LRRC37A2: variants seen among roughly 807,000 people sequenced by gnomAD.
LRRC37A2 encodes leucine-rich repeat-containing protein 37A2.
In LRRC37A2, 9 loss-of-function variants were observed where a neutral mutation model predicts 68.8. The ratio of observed to expected loss-of-function variants is 0.13; its 90% CI spans 0.08 to 0.23. The LOEUF (loss-of-function observed/expected upper bound fraction) is 0.23. Ranked by LOEUF, LRRC37A2 falls within the 10% of genes least tolerant of loss-of-function variation. The probability of loss-of-function intolerance (pLI) is 1.00; values close to 1 mark genes in which losing one functional copy is unlikely to be tolerated. For synonymous variants in LRRC37A2, 63 were observed against 367.6 expected, an observed-to-expected ratio of 0.17 and a Z score of 9.48; for missense variants, 168 against 950.4, an observed-to-expected ratio of 0.18 and a Z score of 10.82.
At chr17:46,808,741 T>C in the LRRC37A2 span, among the ~76,000 whole-genome samples, 2 of 152,088 alleles carry the variant, frequency 1.3e-5, no homozygotes, top group African/African-American at 4.8e-5. Context: ...TCGTGTGAAC[T>C]GGTGAACATG....
exon 10 of LRRC37A2, chr17:46,549,376 A>G (rs1394122413): frequency 1.9e-6 from 3 of 1,549,142 alleles, no homozygotes; most frequent in Non-Finnish European, 2.6e-6. Flanking sequence ...AGAAGGAACC[A>G]TCTCTGAAAA....
At chr17:46,956,398 C>T in the LRRC37A2 span, among the ~76,000 whole-genome samples, 1 of 150,140 alleles carries the variant, frequency 6.7e-6, no homozygotes, top group African/African-American at 2.5e-5. Context: ...TCAAGCGATT[C>T]TCCTGCCTCA....
chr17:46,867,461 CGGAG>C, the LRRC37A2 span, among the ~76,000 whole-genome samples: 1 of 152,230 alleles, frequency 6.6e-6, no homozygotes, highest in African/African-American at 2.4e-5. Flanking sequence ...GAGGTCACCT[CGGAG>C]TGAGTCAGAC....
chr17:46,735,314 C>T, the LRRC37A2 span, among the ~76,000 whole-genome samples: 1 of 152,038 alleles, frequency 6.6e-6, no homozygotes, highest in Non-Finnish European at 1.5e-5. Flanking sequence ...AGAATGTATT[C>T]TTCCAGATCC....
At chr17:46,544,467 T>C (rs146398000) in intron 8 of LRRC37A2, among the ~76,000 whole-genome samples, 836 of 2,164 alleles carry the variant, frequency 0.39, 2 homozygotes, top group Middle Eastern at 0.46. Context: ...ATAATTATAG[T>C]TAACTCTTAT....
At chr17:46,935,877 G>A in the LRRC37A2 span, 2 of 985,982 alleles carry the variant, frequency 2.0e-6, no homozygotes, top group Non-Finnish European at 2.4e-6. Flanking sequence ...TGGATAATAG[G>A]GCGTGGGTTC....
At chr17:47,011,251 A>G in the LRRC37A2 span, among the ~76,000 whole-genome samples, 2 of 152,174 alleles carry the variant, frequency 1.3e-5, no homozygotes, top group Non-Finnish European at 2.9e-5. Flanking sequence ...AGATTTATCA[A>G]AAGTATATTT....
chr17:46,929,391 A>C, the LRRC37A2 span: 1 of 705,484 alleles, frequency 1.4e-6, no homozygotes, highest in South Asian at 1.5e-5. Context: ...TGCCACATAC[A>C]AATTTTACAG....
chr17:46,849,849 CT>C, the LRRC37A2 span, among the ~76,000 whole-genome samples: 22 of 145,680 alleles, frequency 1.5e-4, no homozygotes, highest in South Asian at 2.2e-4. Flanking sequence ...CATTTAATAT[CT>C]TTTTTTTTTT....
At chr17:46,956,806 C>T in the LRRC37A2 span, among the ~76,000 whole-genome samples, 1 of 152,200 alleles carries the variant, frequency 6.6e-6, no homozygotes, top group African/African-American at 2.4e-5. Context: ...CAGCATGCTG[C>T]CCTGCCTTTG....
At chr17:47,048,330 A>C in the LRRC37A2 span, among the ~76,000 whole-genome samples, 19 of 151,820 alleles carry the variant, frequency 1.3e-4, no homozygotes, top group South Asian at 2.1e-4. Flanking sequence ...CTTGACCTTC[A>C]TGCAGTCAGA....
chr17:46,746,001 T>C, the LRRC37A2 span, among the ~76,000 whole-genome samples: 1 of 152,214 alleles, frequency 6.6e-6, no homozygotes, highest in Non-Finnish European at 1.5e-5. Context: ...ACTCAACTCA[T>C]GTATCATCTC....
At chr17:46,500,929 C>G in the LRRC37A2 span, among the ~76,000 whole-genome samples, 2 of 151,120 alleles carry the variant, frequency 1.3e-5, no homozygotes, top group African/African-American at 2.5e-5. Flanking sequence ...CCTGTAATCC[C>G]AGCACTTTGG....
chr17:46,822,766 G>T, the LRRC37A2 span, among the ~76,000 whole-genome samples: 1 of 152,116 alleles, frequency 6.6e-6, no homozygotes, highest in Non-Finnish European at 1.5e-5. Context: ...GGGCGAGCGG[G>T]CCCAGGTGAT....
chr17:46,849,849 C>CTTTTTTTTTT, the LRRC37A2 span, among the ~76,000 whole-genome samples: 2 of 145,750 alleles, frequency 1.4e-5, no homozygotes, highest in Non-Finnish European at 1.5e-5. Context: ...CATTTAATAT[C>CTTTTTTTTTT]TTTTTTTTTT....
the LRRC37A2 span, chr17:46,932,021 C>T: frequency 6.3e-7 from 1 of 1,596,666 alleles, no homozygotes; most frequent in Non-Finnish European, 8.6e-7. Context: ...TCAGATTCTG[C>T]TGCCCTGAGT....
the LRRC37A2 span, chr17:46,952,670 A>G: frequency 6.6e-6 from 1 of 152,180 alleles, no homozygotes; most frequent in African/African-American, 2.4e-5. Context: ...CAGCTATGTG[A>G]GAGGCCACCT....
chr17:46,707,663 CGT>C, the LRRC37A2 span, among the ~76,000 whole-genome samples: 2 of 152,072 alleles, frequency 1.3e-5, no homozygotes, highest in Admixed American at 1.3e-4. Context: ...GCTTATTTGA[CGT>C]AGCATAATGT....
chr17:46,840,035 TCTTTCTTTC>T, the LRRC37A2 span, among the ~76,000 whole-genome samples: 1 of 138,384 alleles, frequency 7.2e-6, no homozygotes, highest in Admixed American at 7.6e-5. Context: ...TTCTTTCTTT[TCTTTCTTTC>T]TTTCTCTCTC....
Sources: allele counts gnomAD v4.1 joint callset (sites outside exome capture counted in the v4.1 genomes callset), GRCh38; gene constraint gnomAD v4.1.1; transcripts MANE v1.5; gene names NCBI Gene and HGNC (gene_info 2026-07-23, HGNC 2026-07-21).